STPG2: variants seen among roughly 807,000 people sequenced by gnomAD.
The protein encoded by STPG2 is sperm-tail PG-rich repeat-containing protein 2.
A neutral mutation model predicts 54.2 loss-of-function variants in STPG2; 56 were observed. That is an observed-to-expected ratio of 1.03 (90% CI 0.83 to 1.29). The LOEUF (loss-of-function observed/expected upper bound fraction) is 1.29, where lower values mean the gene tolerates loss of function less well. STPG2 is among the 50% of genes most tolerant of loss of function. STPG2 has a pLI of 0.00. For missense variants in STPG2, 596 were observed against 544.9 expected (o/e 1.09, Z -0.93); for synonymous variants, 200 against 181.8 (o/e 1.10, Z -0.81).
At chr4:97,611,533 C>T (rs888711649) in intron 10 of STPG2, among the ~76,000 whole-genome samples, 2 of 151,898 alleles carry the variant, frequency 1.3e-5, no homozygotes, top group Middle Eastern at 3.4e-3. Context: ...TTTAGGCCAA[C>T]CATGTGTTTA....
intron 2 of STPG2, among the ~76,000 whole-genome samples, chr4:98,130,269 G>A (rs1293445860): frequency 2.0e-5 from 3 of 151,554 alleles, no homozygotes; most frequent in South Asian, 2.1e-4. Flanking sequence ...TCTGCCTCCC[G>A]GGTTCAAGTG....
intron 5 of STPG2, among the ~76,000 whole-genome samples, chr4:98,054,719 T>G (rs4699325): frequency 0.046 from 7,042 of 152,238 alleles, 244 homozygotes; most frequent in Admixed American, 0.13. Flanking sequence ...TAATGAGGCT[T>G]GTGTATATTC....
chr4:97,965,311 C>T (rs1734054666), intron 7 of STPG2, among the ~76,000 whole-genome samples: 1 of 152,172 alleles, frequency 6.6e-6, no homozygotes, highest in Admixed American at 6.5e-5. Context: ...ATTGCTGAGG[C>T]TTGAGTAGGT....
intron 5 of STPG2, among the ~76,000 whole-genome samples, chr4:98,040,674 T>C (rs775618897): frequency 2.6e-5 from 4 of 151,990 alleles, no homozygotes; most frequent in Non-Finnish European, 5.9e-5. Flanking sequence ...CATTGATCTA[T>C]GTGTCTATTT....
intron 9 of STPG2, among the ~76,000 whole-genome samples, chr4:97,826,700 T>C (rs1348967542): frequency 3.3e-5 from 5 of 152,350 alleles, no homozygotes; most frequent in South Asian, 2.1e-4. Context: ...ACAGGAACTA[T>C]TGTCAAATAT....
Position 97,808,173 on chromosome 4 carries a change from T to C in STPG2, c.1204+32600A>G, listed in dbSNP as rs910316153. Among the ~76,000 whole-genome samples the C allele has an allele frequency of 3.3e-5, 5 of 152,024 alleles. No homozygotes were observed. The South Asian group carries it at 1.0e-3, about 32-fold the overall frequency. Reference sequence around the variant, plus strand: ...AGGGTAAATGAACACAGGTAGTATCTTAGATGAAAAGAAAACAGAGCAATG... The same window carrying C: ...AGGGTAAATGAACACAGGTAGTATCCTAGATGAAAAGAAAACAGAGCAATG... On this transcript the variant is annotated intron_variant, in intron 9 of 10. Coordinates refer to ENST00000295268, the MANE Select transcript of STPG2 (RefSeq NM_174952.3).
intron 8 of STPG2, among the ~76,000 whole-genome samples, chr4:97,864,765 C>G (rs1228259451): frequency 6.6e-6 from 1 of 151,986 alleles, no homozygotes; most frequent in African/African-American, 2.4e-5. Flanking sequence ...TGGAACAGAA[C>G]AGAGCCCTCA....
intron 4 of STPG2, among the ~76,000 whole-genome samples, chr4:97,499,363 TTACTC>T (rs1180023302): frequency 6.6e-6 from 1 of 152,008 alleles, no homozygotes; most frequent in Non-Finnish European, 1.5e-5. Context: ...ATTTATTTGT[TTACTC>T]AACCATTCTT....
At position 97,593,208 on chromosome 4, in the gene STPG2, C is replaced by G. The variant is rs1346767698; in HGVS notation, c.1321-34091G>C. Among the ~76,000 whole-genome samples, 4 of 152,164 alleles carry G rather than the reference C, an allele frequency of 2.6e-5. No homozygotes were observed. In the East Asian group the frequency reaches 7.8e-4, roughly 30 times the overall value. ...ATGTCTGACCATCAGGGAATTCCAG[C>G]AGAGCAGCCCCTGCCGACAGGCACC... On this transcript the variant is annotated intron_variant, in intron 10 of 10. Coordinates refer to ENST00000295268, the MANE Select transcript of STPG2 (RefSeq NM_174952.3).
At chr4:97,737,016 C>A (rs531946874) in intron 9 of STPG2, among the ~76,000 whole-genome samples, 1 of 152,276 alleles carries the variant, frequency 6.6e-6, no homozygotes, top group Admixed American at 6.5e-5. Flanking sequence ...GACAAAACTT[C>A]CAGAGGAACG....
intron 8 of STPG2, among the ~76,000 whole-genome samples, chr4:97,875,787 A>T (rs1730152461): frequency 1.3e-5 from 2 of 151,966 alleles, no homozygotes; most frequent in Admixed American, 6.6e-5. Context: ...CTAATATATA[A>T]TTTTTCTTAT....
chr4:97,498,863 C>T (rs1312932172), intron 4 of STPG2, among the ~76,000 whole-genome samples: 1 of 151,792 alleles, frequency 6.6e-6, no homozygotes, highest in African/African-American at 2.4e-5. Flanking sequence ...CTCACAAGCA[C>T]AACCCAAATT....
chr4:97,641,048 A>G (rs1721751973), intron 10 of STPG2, among the ~76,000 whole-genome samples: 1 of 151,704 alleles, frequency 6.6e-6, no homozygotes, highest in South Asian at 2.1e-4. Flanking sequence ...GTAAAATATT[A>G]GCATCTTTCT....
chr4:97,502,914 C>G (rs1443258345), intron 4 of STPG2, among the ~76,000 whole-genome samples: 2 of 151,916 alleles, frequency 1.3e-5, no homozygotes, highest in East Asian at 3.9e-4. Context: ...CTCATTCACT[C>G]TCTTACTTCC....
chr4:97,717,706 A>T (rs1724333723), intron 9 of STPG2, among the ~76,000 whole-genome samples: 1 of 152,174 alleles, frequency 6.6e-6, no homozygotes, highest in Admixed American at 6.5e-5. Context: ...AATTTGAATG[A>T]CTTTCACCAG....
At chr4:97,826,563 C>T (rs1270425002) in intron 9 of STPG2, among the ~76,000 whole-genome samples, 3 of 152,080 alleles carry the variant, frequency 2.0e-5, no homozygotes, top group Non-Finnish European at 4.4e-5. Flanking sequence ...TTATAAGAAC[C>T]TTACCTTATG....
At chr4:97,855,630 A>C (rs187655587) in intron 8 of STPG2, among the ~76,000 whole-genome samples, 17 of 152,172 alleles carry the variant, frequency 1.1e-4, no homozygotes, top group African/African-American at 4.1e-4. Context: ...GTTCACTCTG[A>C]CGAAAGTTTC....
intron 8 of STPG2, among the ~76,000 whole-genome samples, chr4:97,874,841 TA>T (rs1007679370): frequency 1.3e-5 from 2 of 151,368 alleles, no homozygotes; most frequent in South Asian, 2.1e-4. Context: ...AGTGATCATT[TA>T]AAAAAAAGAG....
intron 4 of STPG2, among the ~76,000 whole-genome samples, chr4:97,452,274 G>T (rs767824323): frequency 2.0e-5 from 3 of 152,010 alleles, no homozygotes; most frequent in Non-Finnish European, 4.4e-5. Flanking sequence ...GCTTCTCCCG[G>T]CTCTCCACAC....
Sources: gnomAD v4.1 joint callset for allele counts (sites outside exome capture counted in the v4.1 genomes callset) on GRCh38, gnomAD v4.1.1 for gene constraint, MANE v1.5 for transcripts, NCBI Gene and HGNC (gene_info 2026-07-23, HGNC 2026-07-21) for gene names.